Variants in CSMD2 observed in about 807,000 individuals in gnomAD.
CSMD2 encodes the protein CUB and sushi domain-containing protein 2.
In CSMD2, 130 loss-of-function variants were observed where a neutral mutation model predicts 398.5. That is an observed-to-expected ratio of 0.33 (90% CI 0.28 to 0.38). The LOEUF (loss-of-function observed/expected upper bound fraction) is 0.38. Ranked by LOEUF, CSMD2 falls within the 10% of genes least tolerant of loss-of-function variation. The probability of loss-of-function intolerance (pLI) is 1.00; values close to 1 mark genes in which losing one functional copy is unlikely to be tolerated. For synonymous variants in CSMD2, 1,828 were observed against 1,908.5 expected, an observed-to-expected ratio of 0.96 and a Z score of 1.10; for missense variants, 3,829 against 4,764.9, an observed-to-expected ratio of 0.80 and a Z score of 5.78.
chr1:34,117,189 A>G (rs1397045349), intron 1 of CSMD2, among the ~76,000 whole-genome samples: 2 of 152,096 alleles, frequency 1.3e-5, no homozygotes, highest in Non-Finnish European at 2.9e-5. Flanking sequence ...GGAAAAATAA[A>G]CAAAATTAAG....
chr1:33,577,189 A>C, intron 49 of CSMD2, 107 bp downstream of exon 49: 1 of 1,034,990 alleles, frequency 9.7e-7, no homozygotes, highest in Non-Finnish European at 1.4e-6. Flanking sequence ...GAATGAAATA[A>C]TTATCAAAGA....
intron 24 of CSMD2, 60 bp from the exon 25 acceptor site, chr1:33,693,116 C>A (rs1054994450): frequency 6.6e-7 from 1 of 1,521,808 alleles, no homozygotes; most frequent in Non-Finnish European, 8.8e-7. Flanking sequence ...AGCAGTCACT[C>A]AGTGGCTCCT....
At chr1:33,843,397 T>G (rs1661048596) in intron 6 of CSMD2, among the ~76,000 whole-genome samples, 1 of 152,218 alleles carries the variant, frequency 6.6e-6, no homozygotes, top group Non-Finnish European at 1.5e-5. Flanking sequence ...TATCTTTTAT[T>G]TTAAGTTTAC....
intron 37 of CSMD2, among the ~76,000 whole-genome samples, chr1:33,620,128 A>G (rs980394157): frequency 1.3e-5 from 2 of 152,226 alleles, no homozygotes; most frequent in Non-Finnish European, 2.9e-5. Context: ...GATTTTATTT[A>G]AGCCATGCTT....
chr1:33,709,352 GT>G, intron 21 of CSMD2, 94 bp from the exon 22 acceptor site: 1 of 1,140,910 alleles, frequency 8.8e-7, no homozygotes, highest in Non-Finnish European at 1.2e-6. Context: ...AAGATGACAA[GT>G]CGTTTGCCTG....
intron 42 of CSMD2, among the ~76,000 whole-genome samples, chr1:33,604,931 C>G (rs1640486857): frequency 6.6e-6 from 1 of 152,218 alleles, no homozygotes; most frequent in Non-Finnish European, 1.5e-5. Context: ...CTCTACCTCT[C>G]TAGCTCTCAG....
chr1:34,049,701 T>G (rs1378442995), intron 2 of CSMD2, among the ~76,000 whole-genome samples: 1 of 152,174 alleles, frequency 6.6e-6, no homozygotes, highest in South Asian at 2.1e-4. Context: ...AAGTGAGGTA[T>G]CACTTCCCAA....
chr1:33,653,229 G>A (rs997433748), intron 27 of CSMD2, among the ~76,000 whole-genome samples: 1 of 152,146 alleles, frequency 6.6e-6, no homozygotes, highest in Middle Eastern at 3.2e-3. Context: ...GAAGTATTTG[G>A]TAGAGAGTGA....
intron 1 of CSMD2, among the ~76,000 whole-genome samples, chr1:34,147,029 G>A (rs925781967): frequency 7.2e-5 from 11 of 152,208 alleles, no homozygotes; most frequent in Admixed American, 3.3e-4. Context: ...AGGCCGAGGC[G>A]GGCGGATCAT....
chr1:33,745,952 T>C (rs1043731047), intron 13 of CSMD2, among the ~76,000 whole-genome samples: 3 of 152,136 alleles, frequency 2.0e-5, no homozygotes, highest in South Asian at 2.1e-4. Context: ...ATGAAGACAC[T>C]GAGGCACACA....
intron 3 of CSMD2, among the ~76,000 whole-genome samples, chr1:33,957,136 G>A (rs937049785): frequency 3.3e-5 from 5 of 151,860 alleles, no homozygotes; most frequent in African/African-American, 1.2e-4. Context: ...CTTATTTCAA[G>A]TCTTTGCATG....
chr1:34,117,984 C>A (rs1475427436), intron 1 of CSMD2, among the ~76,000 whole-genome samples: 1 of 151,820 alleles, frequency 6.6e-6, no homozygotes. Flanking sequence ...GAAGCTGAGG[C>A]AGGTGGATCA....
intron 13 of CSMD2, among the ~76,000 whole-genome samples, chr1:33,758,222 C>G (rs1649315477): frequency 6.6e-6 from 1 of 152,168 alleles, no homozygotes; most frequent in Admixed American, 6.5e-5. Flanking sequence ...TGTATTTTTG[C>G]CCCAGTGATT....
chr1:33,698,886 A>G lies in CSMD2; in HGVS notation c.3792T>C (p.His1264=). The change falls in exon 24 of 71, where the codon CAT becomes CAC. Residue 1264 remains histidine, a synonymous_variant. Coordinates refer to ENST00000373381, the MANE Select transcript of CSMD2 (RefSeq NM_001281956.2). The part of the protein sequence containing the change: ...PGTPKFGYKV[H]DEGHFAGSSV... ...AGCTCCCTGCAAAATGACCTTCATC[A>G]TGAACCTTGTAGCCAAACTTGGGGG... The G allele has an allele frequency of 6.2e-7, 1 of 1,614,178 alleles. No homozygotes were observed. The highest frequency in any genetic ancestry group is 8.5e-7 in the Non-Finnish European group (1 of 1,180,022).
At chr1:33,574,634 C>G (rs1282252437) in intron 49 of CSMD2, among the ~76,000 whole-genome samples, 1 of 152,088 alleles carries the variant, frequency 6.6e-6, no homozygotes, top group East Asian at 1.9e-4. Flanking sequence ...AGGCATCAGG[C>G]TGGGGCTCCA....
intron 53 of CSMD2, among the ~76,000 whole-genome samples, chr1:33,560,516 C>T (rs1344006060): frequency 2.0e-5 from 3 of 152,188 alleles, no homozygotes; most frequent in Non-Finnish European, 4.4e-5. Context: ...TGCCTCAGGG[C>T]CTTTGCACTT....
At chr1:34,090,379 G>A (rs931024146) in intron 1 of CSMD2, among the ~76,000 whole-genome samples, 6 of 152,016 alleles carry the variant, frequency 3.9e-5, no homozygotes, top group African/African-American at 7.3e-5. Flanking sequence ...TTCAGTCTCC[G>A]TGCCAAGGCC....
chr1:33,539,116 C>T (rs1162886203), intron 60 of CSMD2, among the ~76,000 whole-genome samples: 2 of 152,098 alleles, frequency 1.3e-5, no homozygotes, highest in African/African-American at 2.4e-5. Context: ...TACAGGCGCC[C>T]GCCACCACGC....
rs1216492477 is a variant in CSMD2 at position 33,546,148 on chromosome 1, G to C, written c.8989C>G (p.Pro2997Ala). 6.2e-7 allele frequency: 1 copy of C among 1,614,196 alleles called. No individual in the cohort carries two copies. The highest frequency in any genetic ancestry group is 1.1e-5 in the South Asian group (1 of 91,072). ...CAGCTGAAGCGCATCACAGTGCCTG[G>C]ATCAAAGCTGTCCCCCAAACGGATG... ...HGIRLGDSFDPGTVMRFSCEA... is the reference protein window; with the variant it reads ...HGIRLGDSFDAGTVMRFSCEA... Residue 2997 changes from proline (P) to alanine (A), a missense_variant, in exon 57 of 71, where the codon CCA (proline) becomes GCA (alanine). By Grantham distance (27) the Pro-to-Ala change is conservative (BLOSUM62 -1). Transcript: ENST00000373381.
Sources: allele counts gnomAD v4.1 joint callset (sites outside exome capture counted in the v4.1 genomes callset), GRCh38; gene constraint gnomAD v4.1.1; transcripts MANE v1.5; gene names NCBI Gene and HGNC (gene_info 2026-07-23, HGNC 2026-07-21).